DYSF: variants seen among roughly 807,000 people sequenced by gnomAD.
DYSF encodes dysferlin.
In DYSF, 212 loss-of-function variants were observed where a neutral mutation model predicts 274.9. The ratio of observed to expected loss-of-function variants is 0.77; its 90% CI spans 0.69 to 0.86. The LOEUF is 0.86. Among genes scored for constraint, DYSF ranks in the 40% least tolerant of loss-of-function variants. The pLI is 0.00. For synonymous variants in DYSF, 1,091 were observed against 1,078.7 expected (o/e 1.01, Z -0.22); for missense variants, 2,666 against 2,783.2 (o/e 0.96, Z 0.95).
At chr2:71,545,989 C>T (rs537012453) in intron 17 of DYSF, among the ~76,000 whole-genome samples, 62 of 152,346 alleles carry the variant, frequency 4.1e-4, no homozygotes, top group Non-Finnish European at 8.1e-4. Flanking sequence ...ACCAGCTAAC[C>T]GGTTTTGAAC....
intron 3 of DYSF, among the ~76,000 whole-genome samples, chr2:71,495,786 G>A (rs2084321269): frequency 1.3e-5 from 2 of 152,216 alleles, no homozygotes; most frequent in African/African-American, 2.4e-5. Context: ...GGGAAGGCCC[G>A]GAGTCACTGG....
intron 1 of DYSF, among the ~76,000 whole-genome samples, chr2:71,475,383 G>C (rs2082326832): frequency 6.6e-6 from 1 of 152,234 alleles, no homozygotes; most frequent in Non-Finnish European, 1.5e-5. Flanking sequence ...AGTAATGTGA[G>C]TAAGGCATGG....
In DYSF at chr2:71,476,830, T is replaced by C. The variant is rs566424417; in HGVS notation, c.92-4053T>C. Among the ~76,000 whole-genome samples the C allele has an allele frequency of 6.8e-5, 10 of 147,050 alleles. No homozygotes were observed. In the South Asian group the frequency reaches 1.9e-3, roughly 28 times the overall value. ...GACAAACCGAACTAGCTGCTTTTTT[T>C]TTTTTTTTCCATGGAATACTGTTTT... is the stretch of plus-strand genomic sequence containing the variant. On this transcript the variant is annotated intron_variant, in intron 1 of 55. Transcript: ENST00000410020.
rs181285641 is a variant in DYSF at position 71,518,402 on chromosome 2, G to A, written c.1002+1363G>A. Among the ~76,000 whole-genome samples the A allele has an allele frequency of 2.0e-4, 30 of 151,200 alleles. No individual in the cohort carries two copies. The East Asian group carries it at 2.5e-3, about 13-fold the overall frequency. The stretch of plus-strand genomic sequence containing the variant: ...CTCCCCAGTAGCTGGGATTAGAGGC[G>A]TGTGCTACCACGCCTGGCAGTTTTT... On this transcript the variant is annotated intron_variant, in intron 10 of 55. Transcript: ENST00000410020.
intron 41 of DYSF, among the ~76,000 whole-genome samples, chr2:71,622,349 A>G (rs1279167107): frequency 2.6e-5 from 4 of 152,148 alleles, no homozygotes; most frequent in African/African-American, 9.6e-5. Context: ...AGTTCTGACT[A>G]TTGTTAATTG....
chr2:71,494,072 C>T (rs2084143027), intron 3 of DYSF, among the ~76,000 whole-genome samples: 1 of 152,096 alleles, frequency 6.6e-6, no homozygotes, highest in Admixed American at 6.6e-5. Flanking sequence ...TTGTGCAAGA[C>T]TGTGTTTTTG....
rs188816539 is a variant in DYSF at position 71,522,385 on chromosome 2, A to G, written c.1149+1481A>G. 1.9e-3 allele frequency among the ~76,000 whole-genome samples: 290 copies of G among 151,734 alleles called. 6 individuals carry two copies. The highest frequency in any genetic ancestry group is 6.8e-3 in the Middle Eastern group (2 of 292). Reference sequence around the variant, plus strand: ...GGGTCACTCATTACCATAGCTTAGGAGCTCTCCTCTGTTGTTAGACTGCAC... The same window carrying G: ...GGGTCACTCATTACCATAGCTTAGGGGCTCTCCTCTGTTGTTAGACTGCAC... On this transcript the variant is annotated intron_variant, in intron 12 of 55. Transcript: ENST00000410020.
intron 30 of DYSF, among the ~76,000 whole-genome samples, chr2:71,587,156 G>A (rs575224144): frequency 6.6e-6 from 1 of 152,236 alleles, no homozygotes; most frequent in Non-Finnish European, 1.5e-5. Flanking sequence ...TGCAGCCAGG[G>A]GGGTGTTCTG....
At chr2:71,586,811 C>T (rs915377187) in intron 30 of DYSF, among the ~76,000 whole-genome samples, 7 of 151,988 alleles carry the variant, frequency 4.6e-5, no homozygotes, top group Non-Finnish European at 4.4e-5. Context: ...GGCCCTGGAG[C>T]CGGAGGCGCC....
intron 51 of DYSF, among the ~76,000 whole-genome samples, chr2:71,673,851 AAT>A (rs201014960): frequency 0.012 from 1,816 of 152,258 alleles, 29 homozygotes; most frequent in African/African-American, 0.04. Flanking sequence ...GCACTATATT[AAT>A]GTTATTATTA....
At chr2:71,669,346 C>A in intron 50 of DYSF, 139 bp downstream of exon 50, 1 of 915,904 alleles carries the variant, frequency 1.1e-6, no homozygotes, top group Non-Finnish European at 1.7e-6. Context: ...GGGGGTGGTC[C>A]CTGCCTTTGG....
intron 20 of DYSF, 25 bp downstream of exon 20, chr2:71,553,213 C>T: frequency 6.2e-7 from 1 of 1,613,672 alleles, no homozygotes; most frequent in Non-Finnish European, 8.5e-7. Flanking sequence ...CTGGCTGGGA[C>T]CCCGATCACA....
chr2:71,468,169 C>A lies in DYSF; in HGVS notation c.91+1236C>A, dbSNP rs1405055494. 1.7e-4 allele frequency among the ~76,000 whole-genome samples: 26 copies of A among 152,222 alleles called. 1 individual carries two copies. Among genetic ancestry groups the A allele is most frequent in the Non-Finnish European group, 2.9e-5 (2 of 68,038 alleles). ...GACAAAGTCTTTCCTTCTCCAGTGTCCACCTGATGCTGCCTAAGGCTTTGC... is the reference window on the plus strand; with the variant it reads ...GACAAAGTCTTTCCTTCTCCAGTGTACACCTGATGCTGCCTAAGGCTTTGC... On this transcript the variant is annotated intron_variant, in intron 1 of 55. Transcript: ENST00000410020.
chr2:71,525,012 C>A (rs2152746994), intron 12 of DYSF, among the ~76,000 whole-genome samples: 1 of 152,362 alleles, frequency 6.6e-6, no homozygotes, highest in South Asian at 2.1e-4. Context: ...TTGGGCCCCA[C>A]CCCACACCTG....
intron 30 of DYSF, among the ~76,000 whole-genome samples, chr2:71,578,399 G>A (rs1223315808): frequency 6.6e-6 from 1 of 152,166 alleles, no homozygotes; most frequent in Admixed American, 6.5e-5. Flanking sequence ...TCTCCCTGCT[G>A]CTTGGTGGGG....
intron 30 of DYSF, among the ~76,000 whole-genome samples, chr2:71,579,038 G>A (rs2092802988): frequency 6.6e-6 from 1 of 152,174 alleles, no homozygotes; most frequent in Admixed American, 6.5e-5. Flanking sequence ...AGGGAGCTGG[G>A]AAGCAGAGCA....
intron 1 of DYSF, among the ~76,000 whole-genome samples, chr2:71,478,312 C>A (rs186776170): frequency 6.6e-6 from 1 of 151,374 alleles, no homozygotes; most frequent in Non-Finnish European, 1.5e-5. Context: ...CCTGGGTTCA[C>A]GCCATTCTCC....
In DYSF at chr2:71,569,719, G is replaced by A. The variant is rs1252132866; in HGVS notation, c.2865-101G>A. On this transcript the variant is annotated intron_variant, in intron 26 of 55. Transcript: ENST00000410020. ...CCCCCATGTCTCTCATTGTTGGTTG[G>A]GGTGAGGCTGACATACGCAGGGGTG... 7.3e-6 allele frequency: 7 copies of A among 964,912 alleles called. No individual in the cohort carries two copies. The Admixed American group carries it at 9.9e-5, about 14-fold the overall frequency. The allele number at this position is 964,912 out of a possible 1,614,324, so 59.8% of individuals were successfully genotyped here. A position where few individuals can be genotyped will look rare whatever the true frequency, so the allele number is the denominator to read the frequency against.
chr2:71,661,458 C>T (rs2094880284), intron 45 of DYSF, among the ~76,000 whole-genome samples: 1 of 152,120 alleles, frequency 6.6e-6, no homozygotes, highest in Non-Finnish European at 1.5e-5. Flanking sequence ...GTCTCAGGAT[C>T]CAATCTGTTA....
Sources: allele counts gnomAD v4.1 joint callset (sites outside exome capture counted in the v4.1 genomes callset), GRCh38; gene constraint gnomAD v4.1.1; transcripts MANE v1.5; gene names NCBI Gene and HGNC (gene_info 2026-07-23, HGNC 2026-07-21).